ADGRG2: variants seen among roughly 807,000 people sequenced by gnomAD.
ADGRG2 encodes the protein adhesion G protein-coupled receptor G2.
In ADGRG2, 26 loss-of-function variants were observed where a neutral mutation model predicts 74.1. The observed-to-expected ratio is 0.35, with a 90% CI of 0.26 to 0.49. ADGRG2 has a LOEUF of 0.49. ADGRG2 is among the 20% of genes least tolerant of loss of function. The pLI, the probability that ADGRG2 is intolerant of heterozygous loss-of-function variation, is 0.99. For synonymous variants in ADGRG2, 296 were observed against 295.2 expected, an observed-to-expected ratio of 1.00 and a Z score of -0.03; for missense variants, 619 against 763.1, an observed-to-expected ratio of 0.81 and a Z score of 2.22.
chrX:19,097,250 G>A (rs1036990676), intron 1 of ADGRG2, among the ~76,000 whole-genome samples: 1 of 112,904 alleles, frequency 8.9e-6, no homozygotes, highest in Non-Finnish European at 1.9e-5. Context: ...TGTGGCTTAC[G>A]CCTGTAATCT....
rs540712370 is a variant in ADGRG2, at chrX:19,086,554, C to T, written c.-46-3808G>A. ...GGGAAGGAAATGACCTCCGGGTGTA[C>T]TTAAGAGCCCTGCTCCAGTTCAGGG... is the stretch of plus-strand genomic sequence containing the variant. On this transcript the variant is annotated intron_variant, in intron 1 of 28. Coordinates refer to ENST00000379869, the MANE Select transcript of ADGRG2 (RefSeq NM_001079858.3). Among the ~76,000 whole-genome samples, 18 of 111,490 alleles carry T rather than the reference C, an allele frequency of 1.6e-4. No homozygotes were observed. The South Asian group carries it at 6.5e-3, about 41-fold the overall frequency.
intron 1 of ADGRG2, among the ~76,000 whole-genome samples, chrX:19,101,197 A>G (rs895677679): frequency 1.9e-5 from 2 of 106,804 alleles, no homozygotes; most frequent in Non-Finnish European, 3.8e-5. Flanking sequence ...GTTCTCTGGG[A>G]GTGGTTTGTG....
intron 3 of ADGRG2, among the ~76,000 whole-genome samples, chrX:19,041,825 T>C (rs1418062852): frequency 8.9e-6 from 1 of 111,800 alleles, no homozygotes; most frequent in Admixed American, 9.5e-5. Flanking sequence ...AATTTTGTTT[T>C]TGAGACAGGG....
rs766782342 is a variant in ADGRG2, at chrX:19,009,606, T to G, written c.1422+20A>C. On this transcript the variant is annotated intron_variant, in intron 18 of 28. Transcript: ENST00000379869. ...TCACACACAAGAGAATGTTTTTTTCTGCCATCAATTATGATGTACCTGAAG... is the reference window on the plus strand; with the variant it reads ...TCACACACAAGAGAATGTTTTTTTCGGCCATCAATTATGATGTACCTGAAG... 6.7e-6 allele frequency: 8 copies of G among 1,189,237 alleles called. No homozygotes were observed. The highest frequency in any genetic ancestry group is 9.1e-6 in the Non-Finnish European group (8 of 875,072).
chrX:19,121,789 G>A (rs1194962067), intron 1 of ADGRG2, among the ~76,000 whole-genome samples: 2 of 111,284 alleles, frequency 1.8e-5, no homozygotes, highest in Non-Finnish European at 3.8e-5. Flanking sequence ...CTCTCGGGAG[G>A]TCAGCTCTCT....
intron 3 of ADGRG2, among the ~76,000 whole-genome samples, chrX:19,064,323 A>G (rs1018107025): frequency 6.2e-5 from 7 of 112,595 alleles, no homozygotes; most frequent in Non-Finnish European, 1.1e-4. Flanking sequence ...TATAGCGCTG[A>G]CTCATACTTT....
At chrX:19,078,642 TAAAG>T (rs2061793617) in intron 2 of ADGRG2, among the ~76,000 whole-genome samples, 1 of 110,336 alleles carries the variant, frequency 9.1e-6, no homozygotes, top group African/African-American at 3.3e-5. Flanking sequence ...AGGATACAGC[TAAAG>T]ATAGAGTGAA....
intron 15 of ADGRG2, among the ~76,000 whole-genome samples, chrX:19,016,783 T>C (rs1017533857): frequency 1.0e-5 from 1 of 100,252 alleles, no homozygotes; most frequent in Non-Finnish European, 2.0e-5. Flanking sequence ...TGGAATGCAG[T>C]GACATGATCA....
At position 19,010,799 on chromosome X, in the gene ADGRG2, G is replaced by A. The variant is rs757117481; in HGVS notation, c.1100-21C>T. Reference sequence around the variant, plus strand: ...GATGTCTATATCAAAGAGCCAAATCGTGTTATGAACACACAATGGAAAACC... The same window carrying A: ...GATGTCTATATCAAAGAGCCAAATCATGTTATGAACACACAATGGAAAACC... On this transcript the variant is annotated intron_variant, in intron 16 of 28. Transcript: ENST00000379869. 5.2e-6 allele frequency: 6 copies of A among 1,146,069 alleles called. No individual in the cohort carries two copies. In the Admixed American group the frequency reaches 7.0e-5, roughly 13 times the overall value. The allele number at this position is 1,146,069 out of a possible 1,213,427, so 94.4% of individuals were successfully genotyped here.
At chrX:19,000,752 C>T (rs1211837143) in intron 24 of ADGRG2, among the ~76,000 whole-genome samples, 2 of 87,124 alleles carry the variant, frequency 2.3e-5, no homozygotes, top group Non-Finnish European at 4.5e-5. Flanking sequence ...CACCCCCCAC[C>T]CGGCCCCCCT....
chrX:19,049,438 G>GGTTTTTTTTTTTTTTTTTTTT (rs1555901661), intron 3 of ADGRG2, among the ~76,000 whole-genome samples: 1 of 82,214 alleles, frequency 1.2e-5, no homozygotes, highest in African/African-American at 5.7e-5. Context: ...CGTTTTTTGT[G>GGTTTTTTTTTTTTTTTTTTTT]TTTTTTTTTT....
intron 2 of ADGRG2, among the ~76,000 whole-genome samples, chrX:19,074,864 C>A (rs991885185): frequency 3.6e-5 from 4 of 110,128 alleles, no homozygotes; most frequent in African/African-American, 1.3e-4. Context: ...AGCCACCATG[C>A]CCAGCTGCGC....
In ADGRG2 at chrX:18,990,895, C is replaced by T. The variant is rs777226422; in HGVS notation, c.3023G>A (p.Arg1008Gln). The change falls in exon 29 of 29, where the codon CGG (arginine) becomes CAG (glutamine). Residue 1008 changes from arginine to glutamine, a missense_variant. Around this residue, in one of 3 missense-constraint regions of ADGRG2, gnomAD observed 106 missense variants for 104.5 expected, o/e 1.01. Coordinates refer to ENST00000379869, the MANE Select transcript of ADGRG2 (RefSeq NM_001079858.3). The stretch of plus-strand genomic sequence containing the variant: ...TTGCTCAATAAAGTGTAAGCTTCCC[C>T]GCTTTGAAGTCCTTCTGAGAGCCAT... The part of the protein sequence containing the change: ...GRMALRRTSK[R>Q]GSLHFIEQM 19 of 1,202,084 alleles carry T rather than the reference C, an allele frequency of 1.6e-5. No individual in the cohort carries two copies. The East Asian group carries it at 5.3e-4, about 34-fold the overall frequency.
In ADGRG2 at chrX:19,037,391, A is replaced by G. The variant is rs149792631; in HGVS notation, c.226+76T>C. ...ATTCAGAAATAATTTAGAAATGGAA[A>G]CCTTCAACACCATTCATTATACTTA... On this transcript the variant is annotated intron_variant, in intron 6 of 28. Coordinates refer to ENST00000379869, the MANE Select transcript of ADGRG2 (RefSeq NM_001079858.3). 813 of 712,937 alleles carry G rather than the reference A, an allele frequency of 1.1e-3. 15 individuals are homozygous for G. In the East Asian group the frequency reaches 0.028, roughly 25 times the overall value. The allele number at this position is 712,937 out of a possible 1,213,427, so 58.8% of individuals were successfully genotyped here.
intron 1 of ADGRG2, among the ~76,000 whole-genome samples, chrX:19,112,674 T>C (rs993162998): frequency 1.1e-5 from 1 of 89,708 alleles, no homozygotes; most frequent in Non-Finnish European, 2.2e-5. Context: ...AAAGGCCGGG[T>C]AAGGTGGCTC....
At chrX:19,074,003 T>C (rs2061693965) in intron 2 of ADGRG2, among the ~76,000 whole-genome samples, 1 of 111,696 alleles carries the variant, frequency 9.0e-6, no homozygotes, top group African/African-American at 3.3e-5. Context: ...AAGCAGTTGA[T>C]TTGGATTGTT....
intron 3 of ADGRG2, among the ~76,000 whole-genome samples, chrX:19,063,097 C>T (rs1057200610): frequency 3.6e-5 from 4 of 111,014 alleles, no homozygotes; most frequent in Non-Finnish European, 5.7e-5. Flanking sequence ...GAATGAGCCC[C>T]TCAAATGTCA....
intron 1 of ADGRG2, among the ~76,000 whole-genome samples, chrX:19,122,039 C>G (rs2062618674): frequency 8.9e-6 from 1 of 112,414 alleles, no homozygotes; most frequent in Non-Finnish European, 1.9e-5. Flanking sequence ...GCAGCCCGAC[C>G]AGGCGCGCGG....
rs974154283 is a variant in ADGRG2, at chrX:18,990,938, A to G, written c.2980T>C (p.Cys994Arg). 2 of 1,205,287 alleles carry G rather than the reference A, an allele frequency of 1.7e-6. No homozygotes were observed. Among genetic ancestry groups the G allele is most frequent in the South Asian group, 1.8e-5 (1 of 56,701 alleles). Reference sequence around the variant, plus strand: ...AGAGCCATACGGCCTTTCCCATTGCAGGAATCTTCCTTCTCGTTAAACATG... The same window carrying G: ...AGAGCCATACGGCCTTTCCCATTGCGGGAATCTTCCTTCTCGTTAAACATG... ...QHMFNEKEDS[C>R]NGKGRMALRR... Residue 994 changes from cysteine (C) to arginine (R), a missense_variant, in exon 29 of 29, where the codon TGC becomes CGC. By Grantham distance (180) the Cys-to-Arg change is radical. This residue lies in a region of ADGRG2 where 106 missense variants were observed against 104.5 expected (regional missense o/e 1.01). Transcript: ENST00000379869.
Sources: allele counts gnomAD v4.1 joint callset (sites outside exome capture counted in the v4.1 genomes callset), GRCh38; gene constraint gnomAD v4.1.1; regional missense constraint gnomAD v4.1.1; transcripts MANE v1.5; gene names NCBI Gene and HGNC (gene_info 2026-07-23, HGNC 2026-07-21).